The following IQGAP1 variants were observed in gnomAD, a reference collection of about 807,000 sequenced individuals.
IQGAP1 encodes the protein ras GTPase-activating-like protein IQGAP1.
Under a neutral mutation model 215.6 loss-of-function variants are expected in IQGAP1, and 66 were observed. That is an observed-to-expected ratio of 0.31 (90% CI 0.25 to 0.38). IQGAP1 has a LOEUF of 0.38. Ranked by LOEUF, IQGAP1 falls within the 10% of genes least tolerant of loss-of-function variation. The pLI is 1.00. For synonymous variants in IQGAP1, 772 were observed against 728.7 expected (o/e 1.06, Z -0.96); for missense variants, 1,712 against 1,997.1 (o/e 0.86, Z 2.72).
intron 2 of IQGAP1, among the ~76,000 whole-genome samples, chr15:90,404,832 C>T (rs574444050): frequency 7.3e-4 from 111 of 152,270 alleles, no homozygotes; most frequent in African/African-American, 1.9e-3. Flanking sequence ...CCACCTGCCT[C>T]GACCTCCCAA....
chr15:90,402,079 G>T (rs1964812679), intron 2 of IQGAP1, among the ~76,000 whole-genome samples: 1 of 152,164 alleles, frequency 6.6e-6, no homozygotes, highest in Admixed American at 6.5e-5. Flanking sequence ...TAAGTAACTT[G>T]TGTAGTTTTC....
Position 90,500,095 on chromosome 15 carries a change from T to C in IQGAP1, c.4961T>C (p.Phe1654Ser). Residue 1654 changes from phenylalanine (F) to serine (S), a missense_variant, in exon 38 of 38, where the codon TTC becomes TCC. Coordinates refer to ENST00000268182, the MANE Select transcript of IQGAP1 (RefSeq NM_003870.4). Reference sequence around the variant, plus strand: ...CTGATCTTCCTTCTCAACAAAAAGTTCTACGGGAAGTAATTGATCGTTTGC... The same window carrying C: ...CTGATCTTCCTTCTCAACAAAAAGTCCTACGGGAAGTAATTGATCGTTTGC... ...NLLIFLLNKK[F>S]YGK 1 of 1,596,800 alleles carries C rather than the reference T, an allele frequency of 6.3e-7. No homozygotes were observed. The highest frequency in any genetic ancestry group is 8.6e-7 in the Non-Finnish European group (1 of 1,164,170).
rs149497384 is a variant in IQGAP1, at chr15:90,452,923, G to A, written c.1311G>A (p.Gln437=). Residue 437 remains glutamine (Q), a synonymous_variant, in exon 12 of 38, where the codon CAG becomes CAA. Coordinates refer to ENST00000268182, the MANE Select transcript of IQGAP1 (RefSeq NM_003870.4). Reference sequence around the variant, plus strand: ...ATCAGAAGGAGCTGGCTACCCTGCAGCGACAAAGTCCTGAAGTGAGTTCAC... The same window carrying A: ...ATCAGAAGGAGCTGGCTACCCTGCAACGACAAAGTCCTGAAGTGAGTTCAC... ...DLYQKELATL[Q]RQSPEHNLTH... is the part of the protein sequence containing the mutation. 1.7e-4 allele frequency: 270 copies of A among 1,613,982 alleles called. No individual in the cohort carries two copies. The highest frequency in any genetic ancestry group is 2.2e-4 in the Non-Finnish European group (263 of 1,179,986).
At chr15:90,429,558 A>G (rs1871754981) in intron 3 of IQGAP1, 31 bp from the exon 4 acceptor site, 1 of 1,498,096 alleles carries the variant, frequency 6.7e-7, no homozygotes, top group African/African-American at 1.4e-5. Flanking sequence ...CAATACAGCC[A>G]ATAATACCTA....
At chr15:90,485,444 T>A (rs1409589542) in intron 30 of IQGAP1, among the ~76,000 whole-genome samples, 1 of 152,156 alleles carries the variant, frequency 6.6e-6, no homozygotes, top group African/African-American at 2.4e-5. Flanking sequence ...TTGTTTGTTT[T>A]GTTTTGTTTT....
chr15:90,411,768 CT>C lies in IQGAP1; in HGVS notation c.156-14339del, dbSNP rs1738265645. On this transcript the variant is annotated intron_variant, in intron 2 of 37. Transcript: ENST00000268182. ...TTCATTTCATTTAAGATTAAAAGGT[CT>C]TTCATGCTCCATGGTAAGTGGTAAA... Among the ~76,000 whole-genome samples, 5 of 152,262 alleles carry C rather than the reference CT, an allele frequency of 3.3e-5. 1 individual carries two copies. The South Asian group carries it at 1.0e-3, about 32-fold the overall frequency.
chr15:90,413,722 G>A (rs144236283), intron 2 of IQGAP1, among the ~76,000 whole-genome samples: 25 of 152,226 alleles, frequency 1.6e-4, no homozygotes, highest in East Asian at 1.2e-3. Context: ...CCTCTGAATG[G>A]TCTCCTTAGT....
At chr15:90,482,126 C>G in intron 27 of IQGAP1, 26 bp downstream of exon 27, 1 of 1,614,196 alleles carries the variant, frequency 6.2e-7, no homozygotes, top group Non-Finnish European at 8.5e-7. Context: ...TGTCATGACC[C>G]CCAGTAGAAC....
chr15:90,499,077 A>G (rs1206337790), intron 37 of IQGAP1, among the ~76,000 whole-genome samples: 1 of 151,918 alleles, frequency 6.6e-6, no homozygotes, highest in Non-Finnish European at 1.5e-5. Flanking sequence ...CGGCCTCCCA[A>G]AGTGCTGGGA....
At chr15:90,492,928 G>A (rs1160590580) in intron 35 of IQGAP1, among the ~76,000 whole-genome samples, 1 of 152,012 alleles carries the variant, frequency 6.6e-6, no homozygotes, top group Non-Finnish European at 1.5e-5. Flanking sequence ...GATGCTTATC[G>A]CTAAGTATTC....
In IQGAP1 at chr15:90,456,836, C is replaced by A. The variant is rs913374911; in HGVS notation, c.1776+521C>A. 3.3e-5 allele frequency among the ~76,000 whole-genome samples: 5 copies of A among 149,522 alleles called. No individual in the cohort carries two copies. In the South Asian group the frequency reaches 6.4e-4, roughly 19 times the overall value. ...CTGAGAGGTGGAGGTTGCAGTGAGC[C>A]GAGATTGCGCCACTGCACTCCAGTC... On this transcript the variant is annotated intron_variant, in intron 15 of 37. Coordinates refer to ENST00000268182, the MANE Select transcript of IQGAP1 (RefSeq NM_003870.4).
intron 33 of IQGAP1, among the ~76,000 whole-genome samples, chr15:90,488,150 G>A (rs985975918): frequency 1.3e-5 from 2 of 152,136 alleles, no homozygotes; most frequent in East Asian, 3.9e-4. Context: ...GTACCCAGGA[G>A]GCGGAGCCTG....
chr15:90,394,810 T>C (rs1285286293), intron 2 of IQGAP1, among the ~76,000 whole-genome samples: 2 of 152,214 alleles, frequency 1.3e-5, no homozygotes, highest in Non-Finnish European at 2.9e-5. Flanking sequence ...CTACTTCTAC[T>C]AAAAGCTCCA....
intron 2 of IQGAP1, among the ~76,000 whole-genome samples, chr15:90,401,097 A>C (rs1309958787): frequency 6.6e-6 from 1 of 152,254 alleles, no homozygotes; most frequent in East Asian, 1.9e-4. Context: ...CATATCGTTG[A>C]GTTAGCCGAG....
At chr15:90,425,745 T>A (rs2657947) in intron 2 of IQGAP1, among the ~76,000 whole-genome samples, 1 of 152,046 alleles carries the variant, frequency 6.6e-6, no homozygotes, top group African/African-American at 2.4e-5. Context: ...ACAGTTGAAA[T>A]GGTGGCTTCA....
intron 15 of IQGAP1, among the ~76,000 whole-genome samples, chr15:90,462,722 G>T (rs1965780845): frequency 6.6e-6 from 1 of 151,956 alleles, no homozygotes; most frequent in Admixed American, 6.6e-5. Context: ...TGTGTTTGTG[G>T]CTTCTTCACC....
At chr15:90,474,963 C>A in intron 23 of IQGAP1, 3 of 295,814 alleles carry the variant, frequency 1.0e-5, no homozygotes, top group East Asian at 1.3e-4. Context: ...GCACGTGACA[C>A]TATACCTGGC....
At chr15:90,428,455 A>G (rs1228623428) in intron 3 of IQGAP1, among the ~76,000 whole-genome samples, 1 of 152,054 alleles carries the variant, frequency 6.6e-6, no homozygotes, top group Non-Finnish European at 1.5e-5. Flanking sequence ...AAGATAGTGT[A>G]AAAGGAGAGC....
At chr15:90,435,092 G>T (rs1020090965) in intron 5 of IQGAP1, among the ~76,000 whole-genome samples, 1 of 152,150 alleles carries the variant, frequency 6.6e-6, no homozygotes, top group African/African-American at 2.4e-5. Flanking sequence ...TAGATCTGTG[G>T]TATCATTGGA....
Sources: allele counts gnomAD v4.1 joint callset (sites outside exome capture counted in the v4.1 genomes callset), GRCh38; gene constraint gnomAD v4.1.1; transcripts MANE v1.5; gene names NCBI Gene and HGNC (gene_info 2026-07-23, HGNC 2026-07-21).